The following PRDM1 variants were observed in gnomAD, a reference collection of about 807,000 sequenced individuals.
PRDM1 encodes PR/SET domain 1, also known as PR domain zinc finger protein 1.
In PRDM1, 13 loss-of-function variants were observed where a neutral mutation model predicts 62.8. The ratio of observed to expected loss-of-function variants is 0.21; its 90% CI spans 0.13 to 0.33. PRDM1 has a LOEUF of 0.33. PRDM1 is among the 10% of genes least tolerant of loss of function. The pLI, the probability that PRDM1 is intolerant of heterozygous loss-of-function variation, is 1.00. For synonymous variants in PRDM1, 396 were observed against 417.6 expected, an observed-to-expected ratio of 0.95 and a Z score of 0.63; for missense variants, 895 against 1,058.8, an observed-to-expected ratio of 0.85 and a Z score of 2.15.
chr6:106,094,909 A>T (rs1343599935), intron 2 of PRDM1, among the ~76,000 whole-genome samples: 1 of 48,918 alleles, frequency 2.0e-5, no homozygotes, highest in African/African-American at 4.3e-5. Context: ...TCTTTAAAAC[A>T]CACACACACA....
intron 1 of PRDM1, among the ~76,000 whole-genome samples, chr6:105,995,736 A>C (rs1424497317): frequency 6.6e-6 from 1 of 151,562 alleles, no homozygotes; most frequent in Non-Finnish European, 1.5e-5. Flanking sequence ...TTTTTTTTTA[A>C]TCAGTCAGCT....
chr6:106,105,362 C>T lies in PRDM1; in HGVS notation c.1202C>T (p.Ala401Val), dbSNP rs377196929. The change falls in exon 5 of 7, where the codon GCT becomes GTT. Residue 401 changes from alanine to valine, a missense_variant. Coordinates refer to ENST00000369096, the MANE Select transcript of PRDM1 (RefSeq NM_001198.4). ...GYAPLPHLPP[A>V]FIPSYNAHYP... is the part of the protein sequence containing the mutation. ...GCACCCCTGCCCCACCTCCCGCCAG[C>T]TTTCATCCCCTCGTACAACGCTCAC... 1.9e-6 allele frequency: 3 copies of T among 1,613,778 alleles called. No individual in the cohort carries two copies. The highest frequency in any genetic ancestry group is 1.3e-5 in the African/African-American group (1 of 74,912).
intron 1 of PRDM1, among the ~76,000 whole-genome samples, chr6:106,034,500 T>C (rs950811855): frequency 1.3e-5 from 2 of 152,050 alleles, no homozygotes; most frequent in Non-Finnish European, 2.9e-5. Context: ...TGATTTCTTC[T>C]TTTATTATTT....
intron 1 of PRDM1, among the ~76,000 whole-genome samples, chr6:105,998,775 T>A (rs918733438): frequency 2.0e-5 from 3 of 151,946 alleles, no homozygotes; most frequent in African/African-American, 7.2e-5. Context: ...AAAAGAAAAC[T>A]ATTTTTACCA....
intron 1 of PRDM1, among the ~76,000 whole-genome samples, chr6:106,033,758 C>A (rs578202870): frequency 6.6e-6 from 1 of 151,882 alleles, no homozygotes; most frequent in African/African-American, 2.4e-5. Flanking sequence ...TGGCCTCATA[C>A]AATGAGTAAA....
intron 3 of PRDM1, 104 bp from the exon 4 acceptor site, chr6:106,099,196 G>A: frequency 1.2e-6 from 2 of 1,601,478 alleles, no homozygotes; most frequent in Non-Finnish European, 1.7e-6. Flanking sequence ...CTAGGCAGTA[G>A]GGGATCAGAA....
chr6:106,063,118 G>A (rs574898433), intron 1 of PRDM1, among the ~76,000 whole-genome samples: 34 of 152,228 alleles, frequency 2.2e-4, no homozygotes, highest in Non-Finnish European at 4.3e-4. Context: ...TTCAGGTCAC[G>A]CGAAGGTCAA....
At chr6:106,065,213 G>T (rs1454378265) in intron 1 of PRDM1, among the ~76,000 whole-genome samples, 1 of 151,988 alleles carries the variant, frequency 6.6e-6, no homozygotes, top group African/African-American at 2.4e-5. Flanking sequence ...CCGGGTGCTG[G>T]ACTCAAACCC....
At chr6:106,096,648 T>C (rs576884694) in intron 3 of PRDM1, among the ~76,000 whole-genome samples, 1 of 152,344 alleles carries the variant, frequency 6.6e-6, no homozygotes, top group African/African-American at 2.4e-5. Flanking sequence ...TAAGCTTTCC[T>C]ATAGCATCCA....
At chr6:106,034,028 A>G (rs772949917) in intron 1 of PRDM1, among the ~76,000 whole-genome samples, 2 of 151,942 alleles carry the variant, frequency 1.3e-5, no homozygotes, top group Non-Finnish European at 2.9e-5. Context: ...AGTTTATCCA[A>G]TCTGTTAGCA....
chr6:106,087,304 A>C (rs1272058453), intron 1 of PRDM1, among the ~76,000 whole-genome samples: 1 of 152,230 alleles, frequency 6.6e-6, no homozygotes, highest in Admixed American at 6.5e-5. Context: ...TAGTTACAGT[A>C]AACTGTAGTA....
rs540888884 is a variant in PRDM1, at chr6:106,020,584, T to C, written c.-67+26945T>C. ...GAGATTAAGCAGTTTGCCCAAAGTTTATATAGACCAACCTGGATCCAGTCC... is the reference window on the plus strand; with the variant it reads ...GAGATTAAGCAGTTTGCCCAAAGTTCATATAGACCAACCTGGATCCAGTCC... On this transcript the variant is annotated intron_variant, in intron 1 of 6. Coordinates refer to the PRDM1 transcript ENST00000652320. 2.0e-5 allele frequency among the ~76,000 whole-genome samples: 3 copies of C among 152,304 alleles called. 1 individual carries two copies. In the Middle Eastern group the frequency reaches 0.01, roughly 518 times the overall value.
At chr6:106,101,271 A>G (rs866823782) in intron 4 of PRDM1, among the ~76,000 whole-genome samples, 17 of 152,050 alleles carry the variant, frequency 1.1e-4, no homozygotes, top group African/African-American at 4.1e-4. Context: ...GACCTACCCC[A>G]GTGACTTTGC....
At chr6:106,033,341 C>T (rs1040528521) in intron 1 of PRDM1, among the ~76,000 whole-genome samples, 1 of 147,708 alleles carries the variant, frequency 6.8e-6, no homozygotes, top group African/African-American at 2.5e-5. Flanking sequence ...TTTGTAGAGA[C>T]AGAATCTCTC....
At chr6:106,044,964 A>G (rs1773050829), upstream of PRDM1, among the ~76,000 whole-genome samples, 1 of 152,248 alleles carries the variant, frequency 6.6e-6, no homozygotes, top group African/African-American at 2.4e-5. Flanking sequence ...CCTTAAAGAT[A>G]AGATGACTGC....
At chr6:106,079,252 A>T (rs1032904578) in intron 1 of PRDM1, among the ~76,000 whole-genome samples, 2 of 152,034 alleles carry the variant, frequency 1.3e-5, no homozygotes, top group Non-Finnish European at 2.9e-5. Flanking sequence ...GGGGTGAGCC[A>T]CCGCGCCTGG....
At chr6:106,026,333 G>A (rs1161697547) in intron 1 of PRDM1, among the ~76,000 whole-genome samples, 1 of 152,076 alleles carries the variant, frequency 6.6e-6, no homozygotes, top group Non-Finnish European at 1.5e-5. Context: ...TACAAAATTA[G>A]CCTGGTATGG....
intron 4 of PRDM1, among the ~76,000 whole-genome samples, chr6:106,101,967 G>A (rs1339615579): frequency 6.6e-6 from 1 of 152,198 alleles, no homozygotes; most frequent in Non-Finnish European, 1.5e-5. Context: ...ATTTGGCAGG[G>A]GGGGAGGTAT....
At chr6:106,008,814 G>GTACT (rs1205322949) in intron 1 of PRDM1, among the ~76,000 whole-genome samples, 2 of 152,194 alleles carry the variant, frequency 1.3e-5, no homozygotes, top group Non-Finnish European at 2.9e-5. Context: ...GCCATTGCCT[G>GTACT]TACTGCCTTT....
Sources: allele counts gnomAD v4.1 joint callset (sites outside exome capture counted in the v4.1 genomes callset), GRCh38; gene constraint gnomAD v4.1.1; transcripts MANE v1.5; gene names NCBI Gene and HGNC (gene_info 2026-07-23, HGNC 2026-07-21).